Variants in TRIO observed in about 807,000 individuals in gnomAD.
TRIO encodes the protein trio Rho guanine nucleotide exchange factor, also known as triple functional domain protein.
Under a neutral mutation model 351.9 loss-of-function variants are expected in TRIO, and 58 were observed. The ratio of observed to expected loss-of-function variants is 0.16; its 90% confidence interval spans 0.13 to 0.21. The LOEUF is 0.21. Ranked by LOEUF, TRIO falls within the 10% of genes least tolerant of loss-of-function variation. TRIO has a pLI of 1.00. For missense variants in TRIO, 3,201 were observed against 4,027.8 expected, an observed-to-expected ratio of 0.79 and a Z score of 5.56; for synonymous variants, 1,758 against 1,595.7, an observed-to-expected ratio of 1.10 and a Z score of -2.42.
chr5:14,401,096 T>C, intron 31 of TRIO, 32 bp downstream of exon 31: 1 of 1,569,388 alleles, frequency 6.4e-7, no homozygotes, highest in Non-Finnish European at 8.8e-7. Context: ...AATGTGCTGT[T>C]TGAAACATTT....
Position 14,350,562 on chromosome 5 carries a change from A to T in TRIO, c.2047-7616A>T, listed in dbSNP as rs887613374. Among the ~76,000 whole-genome samples the T allele has an allele frequency of 9.9e-5, 15 of 152,066 alleles. 1 individual carries two copies. The highest frequency in any genetic ancestry group is 7.9e-4 in the Admixed American group (12 of 15,258). On this transcript the variant is annotated intron_variant, in intron 11 of 56. Transcript: ENST00000344204. ...GTCATCGCCACATCCCCTGTGCCTTATCTGTACTCAGTCTCGCACCTCTGC... is the reference window on the plus strand; with the variant it reads ...GTCATCGCCACATCCCCTGTGCCTTTTCTGTACTCAGTCTCGCACCTCTGC...
At position 14,449,539 on chromosome 5, in the gene TRIO, A is replaced by G. The variant is rs894655186; in HGVS notation, c.5204-11480A>G. Among the ~76,000 whole-genome samples, 5 of 152,308 alleles carry G rather than the reference A, an allele frequency of 3.3e-5. No homozygotes were observed. The East Asian group carries it at 9.6e-4, about 29-fold the overall frequency. On this transcript the variant is annotated intron_variant, in intron 34 of 56. Transcript: ENST00000344204. ...GCTCGGCTGCTGGTCACAAGGCAGA[A>G]CAGCTATAGGCTCATCTTTTCCTGG...
rs370241914 is a variant in TRIO, at chr5:14,358,266, G to A, written c.2135G>A (p.Arg712His). ...GAGGCCGTGCAGGACCTCATCAAGC[G>A]CTTTGGCCAGCAGCAGCAGACCACC... is the stretch of plus-strand genomic sequence containing the variant. ...SVEAVQDLIKRFGQQQQTTLQ... is the reference protein window; with the variant it reads ...SVEAVQDLIKHFGQQQQTTLQ... The change falls in exon 12 of 57, where the codon CGC becomes CAC. Residue 712 changes from arginine (R) to histidine (H), a missense_variant. This residue lies in a region of TRIO where 363 missense variants were observed against 553.5 expected (regional missense o/e 0.66). Coordinates refer to ENST00000344204, the MANE Select transcript of TRIO (RefSeq NM_007118.4). 4.3e-5 allele frequency: 69 copies of A among 1,614,066 alleles called. No individual in the cohort carries two copies. Among genetic ancestry groups the A allele is most frequent in the Non-Finnish European group, 5.7e-5 (67 of 1,180,042 alleles).
At position 14,488,220 on chromosome 5, in the gene TRIO, C is replaced by A; in HGVS notation, c.7592C>A (p.Ser2531Ter). The A allele has an allele frequency of 6.3e-7, 1 of 1,590,190 alleles. No homozygotes were observed. Among genetic ancestry groups the A allele is most frequent in the South Asian group, 1.1e-5 (1 of 89,514 alleles). ...ACTGACCGCATGAGCACGTGCTCCT[C>A]GGCCAGCGAGCAGTCCGTGCAGTCC... ...KDTDRMSTCS[S>*]ASEQSVQSTQ... is the part of the protein sequence containing the mutation. Residue 2531 changes from serine (S) to a stop codon, truncating the protein, a stop_gained, in exon 48 of 57, where the codon TCG becomes TAG. Transcript: ENST00000344204. LOFTEE classifies it high-confidence loss of function.
At chr5:14,324,026 C>G (rs1740140988) in intron 9 of TRIO, among the ~76,000 whole-genome samples, 1 of 152,096 alleles carries the variant, frequency 6.6e-6, no homozygotes, top group African/African-American at 2.4e-5. Flanking sequence ...CCCTAAAATA[C>G]CATTGATTTG....
At position 14,291,137 on chromosome 5, in the gene TRIO, C is replaced by T; in HGVS notation, c.962C>T (p.Thr321Ile). Reference sequence around the variant, plus strand: ...ACCATGCTGGACCGGCTGCACTCGACACGGCAGCATCTGCACCAGATGTGG... The same window carrying T: ...ACCATGCTGGACCGGCTGCACTCGATACGGCAGCATCTGCACCAGATGTGG... ...VSTMLDRLHS[T>I]RQHLHQMWHV... The change falls in exon 5 of 57, where the codon ACA (threonine) becomes ATA (isoleucine). Residue 321 changes from threonine (T) to isoleucine (I), a missense_variant. Transcript: ENST00000344204. 6.2e-7 allele frequency: 1 copy of T among 1,614,164 alleles called. No individual in the cohort carries two copies. Among genetic ancestry groups the T allele is most frequent in the Non-Finnish European group, 8.5e-7 (1 of 1,180,042 alleles).
intron 34 of TRIO, among the ~76,000 whole-genome samples, chr5:14,427,729 C>T (rs931263111): frequency 4.6e-5 from 7 of 152,140 alleles, no homozygotes; most frequent in African/African-American, 1.4e-4. Flanking sequence ...TGGTGGGGGT[C>T]ATGTAGTCTG....
intron 2 of TRIO, among the ~76,000 whole-genome samples, chr5:14,279,473 A>G (rs1735806277): frequency 6.6e-6 from 1 of 152,234 alleles, no homozygotes; most frequent in African/African-American, 2.4e-5. Context: ...AAGAGAGATC[A>G]TTAGAGTTCT....
intron 1 of TRIO, among the ~76,000 whole-genome samples, chr5:14,242,663 C>T (rs1041437937): frequency 6.6e-6 from 1 of 152,210 alleles, no homozygotes; most frequent in African/African-American, 2.4e-5. Context: ...TAGCCTCCGC[C>T]TGCTGTGCTC....
chr5:14,221,726 C>T (rs1792636485), intron 1 of TRIO, among the ~76,000 whole-genome samples: 1 of 152,200 alleles, frequency 6.6e-6, no homozygotes, highest in South Asian at 2.1e-4. Flanking sequence ...AGGGATGAAG[C>T]GTTGCTTCTC....
chr5:14,479,443 A>G (rs531342257), intron 42 of TRIO, 93 bp downstream of exon 42: 3 of 1,147,196 alleles, frequency 2.6e-6, no homozygotes, highest in Admixed American at 2.4e-5. Context: ...CCAGGAGACT[A>G]ATTTCCAAAG....
At chr5:14,271,556 GTC>G (rs1458556474) in intron 2 of TRIO, among the ~76,000 whole-genome samples, 1 of 152,172 alleles carries the variant, frequency 6.6e-6, no homozygotes, top group Non-Finnish European at 1.5e-5. Context: ...GTTTTGGACT[GTC>G]TTCTTGGGGC....
chr5:14,474,967 G>T (rs749184972), intron 40 of TRIO, among the ~76,000 whole-genome samples: 1 of 152,012 alleles, frequency 6.6e-6, no homozygotes, highest in Non-Finnish European at 1.5e-5. Context: ...GAGCCACCAC[G>T]CCTGGCCCAA....
intron 49 of TRIO, among the ~76,000 whole-genome samples, chr5:14,493,821 C>T (rs2126665417): frequency 6.6e-6 from 1 of 152,282 alleles, no homozygotes; most frequent in Non-Finnish European, 1.5e-5. Context: ...AAAGTGCTAC[C>T]CCACTAAACA....
At position 14,304,464 on chromosome 5, in the gene TRIO, A is replaced by G. The variant is rs1207806113; in HGVS notation, c.1372A>G (p.Met458Val). ...SIFHQKAEKY[M>V]SNVDSWCKAC... is the part of the protein sequence containing the mutation. ...AATCTTTTTTTAACCTTCCAAGTAT[A>G]TGAGCAACGTGGATTCATGGTGTAA... Residue 458 changes from methionine to valine, a missense_variant, in exon 8 of 57, where the codon ATG becomes GTG. Transcript: ENST00000344204. The G allele has an allele frequency of 6.2e-7, 1 of 1,607,894 alleles. No homozygotes were observed. The highest frequency in any genetic ancestry group is 1.7e-5 in the Admixed American group (1 of 58,080).
intron 40 of TRIO, among the ~76,000 whole-genome samples, chr5:14,475,252 G>A (rs1443096030): frequency 1.3e-5 from 2 of 152,090 alleles, no homozygotes; most frequent in South Asian, 2.1e-4. Flanking sequence ...TTACCTGGCC[G>A]GGCCTTCTGC....
chr5:14,196,149 G>A (rs1286157775), intron 1 of TRIO, among the ~76,000 whole-genome samples: 1 of 152,124 alleles, frequency 6.6e-6, no homozygotes, highest in East Asian at 1.9e-4. Flanking sequence ...GGCTAGGCAT[G>A]GTGGCTCATG....
At chr5:14,228,610 A>G (rs964712781) in intron 1 of TRIO, among the ~76,000 whole-genome samples, 1 of 152,230 alleles carries the variant, frequency 6.6e-6, no homozygotes, top group Non-Finnish European at 1.5e-5. Context: ...ATTTAAGCAG[A>G]TAATTTGTAT....
At chr5:14,294,389 G>A (rs942596200) in intron 6 of TRIO, among the ~76,000 whole-genome samples, 1 of 152,132 alleles carries the variant, frequency 6.6e-6, no homozygotes, top group Non-Finnish European at 1.5e-5. Context: ...AGAATTTCTG[G>A]TTCGAATCGT....
Sources: gnomAD v4.1 joint callset for allele counts (sites outside exome capture counted in the v4.1 genomes callset) on GRCh38, gnomAD v4.1.1 for gene constraint, gnomAD v4.1.1 regional missense constraint, MANE v1.5 for transcripts, NCBI Gene and HGNC (gene_info 2026-07-23, HGNC 2026-07-21) for gene names.